MAF: variants seen among roughly 807,000 people sequenced by gnomAD.
MAF encodes the protein MAF bZIP transcription factor.
MAF carries 10 observed loss-of-function variants against 22.0 expected under a neutral mutation model. That is an observed-to-expected ratio of 0.45 (90% CI 0.28 to 0.77). MAF has a LOEUF of 0.77. MAF is among the 30% of genes least tolerant of loss of function. The probability of loss-of-function intolerance (pLI) is 0.12; values close to 1 mark genes in which losing one functional copy is unlikely to be tolerated. For missense variants in MAF, 544 were observed against 548.4 expected, an observed-to-expected ratio of 0.99 and a Z score of 0.08; for synonymous variants, 337 against 255.8, an observed-to-expected ratio of 1.32 and a Z score of -3.03.
the MAF span, among the ~76,000 whole-genome samples, chr16:79,412,603 C>G: frequency 6.6e-6 from 1 of 152,220 alleles, no homozygotes; most frequent in Non-Finnish European, 1.5e-5. Context: ...ACCTCCCTCT[C>G]AAGTTGTGGC....
the MAF span, among the ~76,000 whole-genome samples, chr16:79,240,049 C>T: frequency 6.6e-6 from 1 of 151,852 alleles, no homozygotes. Context: ...CACATGGCTT[C>T]CCTTCTCTTT....
chr16:79,236,770 C>G, the MAF span, among the ~76,000 whole-genome samples: 7 of 151,970 alleles, frequency 4.6e-5, no homozygotes, highest in African/African-American at 1.7e-4. Flanking sequence ...AGGAGCTGAT[C>G]ATAGTTCGTT....
the MAF span, among the ~76,000 whole-genome samples, chr16:79,234,808 T>G: frequency 6.6e-6 from 1 of 152,110 alleles, no homozygotes; most frequent in Admixed American, 6.6e-5. Flanking sequence ...AGGATCTGAT[T>G]CAGCCACCTG....
downstream of MAF, among the ~76,000 whole-genome samples, chr16:79,582,830 C>T (rs981982018): frequency 6.6e-6 from 1 of 152,118 alleles, no homozygotes; most frequent in African/African-American, 2.4e-5. Context: ...ATTCTCCTTC[C>T]CTTCTTGTGG....
At chr16:79,486,686 C>G in the MAF span, among the ~76,000 whole-genome samples, 1 of 152,166 alleles carries the variant, frequency 6.6e-6, no homozygotes, top group Non-Finnish European at 1.5e-5. Flanking sequence ...TTATGAGTCT[C>G]CGAGACAGAG....
the MAF span, among the ~76,000 whole-genome samples, chr16:79,378,851 G>A: frequency 6.6e-6 from 1 of 152,098 alleles, no homozygotes; most frequent in Admixed American, 6.6e-5. Context: ...TTTCTTACAA[G>A]AAATTTCCTG....
At chr16:79,227,755 C>G in the MAF span, among the ~76,000 whole-genome samples, 1 of 151,822 alleles carries the variant, frequency 6.6e-6, no homozygotes, top group Non-Finnish European at 1.5e-5. Flanking sequence ...CAAAATAATA[C>G]ATTTTACGCT....
At chr16:79,281,290 C>G in the MAF span, among the ~76,000 whole-genome samples, 2 of 150,274 alleles carry the variant, frequency 1.3e-5, no homozygotes, top group Admixed American at 1.3e-4. Context: ...CAGCTAATCC[C>G]AAAGTCTAGG....
the MAF span, among the ~76,000 whole-genome samples, chr16:79,232,025 T>C: frequency 6.6e-6 from 1 of 151,878 alleles, no homozygotes; most frequent in African/African-American, 2.4e-5. Context: ...CTTATGACAA[T>C]CTAATGCCAC....
the MAF span, among the ~76,000 whole-genome samples, chr16:79,544,130 TG>T: frequency 2.0e-5 from 3 of 151,928 alleles, no homozygotes; most frequent in South Asian, 2.1e-4. Flanking sequence ...TGGTCAACCG[TG>T]GGGGGGAAAG....
At chr16:79,219,883 G>A in the MAF span, among the ~76,000 whole-genome samples, 1 of 152,144 alleles carries the variant, frequency 6.6e-6, no homozygotes, top group Admixed American at 6.5e-5. Context: ...CTTTCAATAT[G>A]ATTTGTGATA....
the MAF span, among the ~76,000 whole-genome samples, chr16:79,344,269 C>T: frequency 6.6e-6 from 1 of 152,226 alleles, no homozygotes; most frequent in Non-Finnish European, 1.5e-5. Context: ...GATTAAATAA[C>T]TCACCTGAGA....
chr16:79,271,502 C>G, the MAF span, among the ~76,000 whole-genome samples: 1 of 152,168 alleles, frequency 6.6e-6, no homozygotes, highest in African/African-American at 2.4e-5. Flanking sequence ...ACCTGCTCTC[C>G]AAAATCCCTC....
At chr16:79,249,280 G>A in the MAF span, among the ~76,000 whole-genome samples, 1 of 152,146 alleles carries the variant, frequency 6.6e-6, no homozygotes, top group Non-Finnish European at 1.5e-5. Flanking sequence ...GTAGCCGGAT[G>A]TGGTGGTGCA....
At chr16:79,450,473 T>C in the MAF span, among the ~76,000 whole-genome samples, 4 of 152,220 alleles carry the variant, frequency 2.6e-5, no homozygotes, top group Admixed American at 2.6e-4. Context: ...TTTTAATTCA[T>C]GAGTTGCTGT....
chr16:79,385,989 A>G, the MAF span, among the ~76,000 whole-genome samples: 3 of 152,202 alleles, frequency 2.0e-5, no homozygotes, highest in Non-Finnish European at 4.4e-5. Flanking sequence ...GCACTTTCTT[A>G]GGCTCTGAGG....
chr16:79,538,887 G>GAAAGAAAA, the MAF span, among the ~76,000 whole-genome samples: 1 of 146,786 alleles, frequency 6.8e-6, no homozygotes, highest in East Asian at 2.0e-4. Context: ...AAGAAAGAAA[G>GAAAGAAAA]AAAGAAAGAA....
the MAF span, among the ~76,000 whole-genome samples, chr16:79,221,070 C>A: frequency 2.4e-4 from 37 of 152,334 alleles, no homozygotes; most frequent in African/African-American, 8.2e-4. Context: ...GTTTTGCCAG[C>A]CTTTTGATAG....
At chr16:79,400,073 T>G in the MAF span, among the ~76,000 whole-genome samples, 1 of 152,166 alleles carries the variant, frequency 6.6e-6, no homozygotes, top group Non-Finnish European at 1.5e-5. Context: ...AGGGGAGAGT[T>G]GACAATATCT....
Sources: allele counts gnomAD v4.1 joint callset (sites outside exome capture counted in the v4.1 genomes callset), GRCh38; gene constraint gnomAD v4.1.1; transcripts MANE v1.5; gene names NCBI Gene and HGNC (gene_info 2026-07-23, HGNC 2026-07-21).